The following MPRIP variants were observed in gnomAD, a reference collection of about 807,000 sequenced individuals.
MPRIP encodes the protein myosin phosphatase Rho interacting protein.
A neutral mutation model predicts 234.9 loss-of-function variants in MPRIP; 59 were observed. The ratio of observed to expected loss-of-function variants is 0.25; its 90% confidence interval spans 0.20 to 0.31. MPRIP has a LOEUF of 0.31. MPRIP is among the 10% of genes least tolerant of loss of function. The pLI, the probability that MPRIP is intolerant of heterozygous loss-of-function variation, is 1.00. For synonymous variants in MPRIP, 1,144 were observed against 1,263.9 expected (o/e 0.91, Z 2.01); for missense variants, 2,436 against 3,071.0 (o/e 0.79, Z 4.89).
At chr17:17,101,037 G>C (rs550423765) in intron 3 of MPRIP, among the ~76,000 whole-genome samples, 1 of 152,146 alleles carries the variant, frequency 6.6e-6, no homozygotes. Context: ...TCAGTGGAGC[G>C]CTATATCCTG....
chr17:17,172,951 C>T (rs937858411), intron 18 of MPRIP, 136 bp downstream of exon 18: 32 of 677,872 alleles, frequency 4.7e-5, no homozygotes, highest in Non-Finnish European at 7.1e-5. Context: ...CTGAGGGCAG[C>T]TCAGATGCCC....
intron 23 of MPRIP, 30 bp from the exon 24 acceptor site, chr17:17,184,793 A>T (rs370153884): frequency 8.2e-6 from 13 of 1,583,628 alleles, no homozygotes; most frequent in African/African-American, 2.7e-5. Context: ...CGGTGTGTTT[A>T]TTTTCTCCTC....
At chr17:17,155,974 A>G (rs2045720218) in intron 13 of MPRIP, among the ~76,000 whole-genome samples, 1 of 152,262 alleles carries the variant, frequency 6.6e-6, no homozygotes, top group Non-Finnish European at 1.5e-5. Flanking sequence ...GAGCAAAGTG[A>G]GAAAGGCCTC....
At chr17:17,149,736 A>G (rs937544362) in intron 11 of MPRIP, 5 of 99,634 alleles carry the variant, frequency 5.0e-5, no homozygotes, top group Admixed American at 1.0e-4. Flanking sequence ...TATAAAATAT[A>G]TTTTATAATA....
At chr17:17,180,253 G>A (rs1325148015) in intron 23 of MPRIP, 165 bp downstream of exon 23, 1 of 636,628 alleles carries the variant, frequency 1.6e-6, no homozygotes, top group Non-Finnish European at 2.7e-6. Context: ...TGGTGGCTTT[G>A]AGCTCTGTGT....
intron 20 of MPRIP, among the ~76,000 whole-genome samples, chr17:17,175,697 C>T (rs1207736590): frequency 6.6e-6 from 1 of 152,208 alleles, no homozygotes; most frequent in African/African-American, 2.4e-5. Context: ...CAAACACTGA[C>T]CACTCAAAAG....
In MPRIP at chr17:17,118,715, G is replaced by C. The variant is rs534809751; in HGVS notation, c.268-7987G>C. On this transcript the variant is annotated intron_variant, in intron 3 of 23. Transcript: ENST00000651222. ...GGTTGGCCTAACACTTCTCTGAGTT[G>C]TGGCACAGAGGCCAGGCAGAGGCTT... Among the ~76,000 whole-genome samples the C allele has an allele frequency of 6.1e-4, 93 of 152,184 alleles. 3 individuals carry two copies. The highest frequency in any genetic ancestry group is 1.5e-4 in the Non-Finnish European group (10 of 68,024).
intron 7 of MPRIP, among the ~76,000 whole-genome samples, chr17:17,139,331 G>A (rs1440374058): frequency 6.6e-6 from 1 of 152,226 alleles, no homozygotes; most frequent in East Asian, 1.9e-4. Context: ...CCAGGTTTAT[G>A]GATAGACTTA....
chr17:17,103,109 G>C (rs1270161320), intron 3 of MPRIP, among the ~76,000 whole-genome samples: 1 of 152,228 alleles, frequency 6.6e-6, no homozygotes, highest in African/African-American at 2.4e-5. Flanking sequence ...AGGCAGAGTG[G>C]TGTGGTGGAG....
At chr17:17,149,947 C>G (rs988945271) in intron 11 of MPRIP, 197 bp from the exon 12 acceptor site, 3 of 527,876 alleles carry the variant, frequency 5.7e-6, no homozygotes, top group Non-Finnish European at 1.0e-5. Context: ...TGGCTGGATA[C>G]AGGGACAGAT....
intron 3 of MPRIP, among the ~76,000 whole-genome samples, chr17:17,082,479 G>C (rs2089486508): frequency 6.6e-6 from 1 of 151,798 alleles, no homozygotes; most frequent in South Asian, 2.1e-4. Flanking sequence ...ATTTTTAGTA[G>C]AGATGGGGTT....
At chr17:17,149,368 C>T (rs2045547438) in intron 11 of MPRIP, among the ~76,000 whole-genome samples, 1 of 151,976 alleles carries the variant, frequency 6.6e-6, no homozygotes, top group South Asian at 2.1e-4. Context: ...TGGTGGTCAT[C>T]TGTAGTCCCA....
At chr17:17,175,435 G>C in intron 20 of MPRIP, 23 bp downstream of exon 20, 1 of 1,581,708 alleles carries the variant, frequency 6.3e-7, no homozygotes. Flanking sequence ...GCCAGGCCCT[G>C]CCTGACTCAG....
intron 12 of MPRIP, among the ~76,000 whole-genome samples, chr17:17,152,831 T>G (rs555698182): frequency 2.1e-4 from 32 of 152,198 alleles, no homozygotes; most frequent in African/African-American, 7.2e-4. Context: ...GAGCAGCACC[T>G]GGGAGGAAGA....
intron 3 of MPRIP, among the ~76,000 whole-genome samples, chr17:17,108,939 C>T (rs866145833): frequency 6.6e-6 from 1 of 152,216 alleles, no homozygotes; most frequent in African/African-American, 2.4e-5. Context: ...GGCAGCACTC[C>T]GCCCACCTGT....
At chr17:17,102,295 C>T (rs1223246453) in intron 3 of MPRIP, among the ~76,000 whole-genome samples, 1 of 152,174 alleles carries the variant, frequency 6.6e-6, no homozygotes, top group African/African-American at 2.4e-5. Flanking sequence ...GTACAAGGCC[C>T]TTGCCTCTCC....
intron 5 of MPRIP, among the ~76,000 whole-genome samples, chr17:17,134,027 A>C (rs1368171074): frequency 1.3e-5 from 2 of 152,096 alleles, no homozygotes; most frequent in Admixed American, 1.3e-4. Context: ...CCAGCCCCCC[A>C]GGTTCTTCTG....
At chr17:17,142,512 G>T in intron 7 of MPRIP, 115 bp from the exon 8 acceptor site, 1 of 1,288,252 alleles carries the variant, frequency 7.8e-7, no homozygotes. Flanking sequence ...CCTCGGTGCT[G>T]TGCAAGCCTG....
chr17:17,144,834 G>A (rs1447875838), intron 9 of MPRIP, among the ~76,000 whole-genome samples: 3 of 152,156 alleles, frequency 2.0e-5, no homozygotes, highest in Non-Finnish European at 2.9e-5. Context: ...CCGGCCTGGC[G>A]ACAGAGCGAG....
Sources: gnomAD v4.1 joint callset for allele counts (sites outside exome capture counted in the v4.1 genomes callset) on GRCh38, gnomAD v4.1.1 for gene constraint, MANE v1.5 for transcripts, NCBI Gene and HGNC (gene_info 2026-07-23, HGNC 2026-07-21) for gene names.